Variants in ZNF592 observed in about 807,000 individuals in gnomAD.
The protein encoded by ZNF592 is spinocerebellar ataxia, autosomal recessive 5.
A neutral mutation model predicts 80.3 loss-of-function variants in ZNF592; 11 were observed. The ratio of observed to expected loss-of-function variants is 0.14; its 90% confidence interval spans 0.09 to 0.23. The LOEUF is 0.23. ZNF592 is among the 10% of genes least tolerant of loss of function. The pLI is 1.00. For synonymous variants in ZNF592, 646 were observed against 640.3 expected (o/e 1.01, Z -0.13); for missense variants, 1,420 against 1,633.9 (o/e 0.87, Z 2.26).
rs1478435686 is a variant in ZNF592 at position 84,802,776 on chromosome 15, T to G, written c.*383T>G. 1.1e-5 allele frequency: 3 copies of G among 270,570 alleles called. No homozygotes were observed. The highest frequency in any genetic ancestry group is 2.2e-5 in the Non-Finnish European group (3 of 137,026). 16.8% of individuals were successfully genotyped at this position (270,570 alleles called of 1,614,324 possible). ...TTGCTGCCTTCAGCCAGGGCGCTCC[T>G]CAGAGCTCTATTTTCCTGCAGACAC... On this transcript the variant is annotated 3_prime_UTR_variant, in exon 11 of 11. Coordinates refer to ENST00000560079, the MANE Select transcript of ZNF592 (RefSeq NM_014630.3).
rs199774671 is a variant in ZNF592 at position 84,757,114 on chromosome 15, TA to T, written c.-258-7582del. 1.9e-4 allele frequency among the ~76,000 whole-genome samples: 28 copies of T among 147,970 alleles called. 1 individual carries two copies. The highest frequency in any genetic ancestry group is 2.7e-4 in the African/African-American group (11 of 40,524). Reference sequence around the variant, plus strand: ...GGTGACAGAGTGAGACTGTCTCAATTAAAAAAAAAAATTATTTTTGTAGTGA... The same window carrying T: ...GGTGACAGAGTGAGACTGTCTCAATTAAAAAAAAAATTATTTTTGTAGTGA... On this transcript the variant is annotated intron_variant, in intron 1 of 10. Coordinates refer to ENST00000560079, the MANE Select transcript of ZNF592 (RefSeq NM_014630.3).
intron 10 of ZNF592, 134 bp from the exon 11 acceptor site, chr15:84,801,729 G>A (rs1041273127): frequency 7.1e-6 from 9 of 1,271,796 alleles, no homozygotes; most frequent in African/African-American, 4.5e-5. Context: ...CAAACCAAAC[G>A]TAAACCAGCG....
At chr15:84,796,295 A>ATATATATATAT (rs1567076451) in intron 5 of ZNF592, among the ~76,000 whole-genome samples, 4 of 45,540 alleles carry the variant, frequency 8.8e-5, no homozygotes, top group South Asian at 1.6e-3. Flanking sequence ...ATATATATAT[A>ATATATATATAT]AAAAAACGAA....
At chr15:84,756,046 G>A (rs2030684838) in intron 1 of ZNF592, among the ~76,000 whole-genome samples, 1 of 152,128 alleles carries the variant, frequency 6.6e-6, no homozygotes, top group Non-Finnish European at 1.5e-5. Context: ...GACTCCTATG[G>A]ACCATTGGGC....
At chr15:84,751,310 G>T (rs971033718) in intron 1 of ZNF592, among the ~76,000 whole-genome samples, 5 of 152,242 alleles carry the variant, frequency 3.3e-5, no homozygotes, top group South Asian at 2.1e-4. Flanking sequence ...GGGGATAGAT[G>T]ACTTATTCAA....
chr15:84,794,569 C>T (rs35726233), intron 5 of ZNF592, among the ~76,000 whole-genome samples: 30,069 of 151,972 alleles, frequency 0.2, 3,780 homozygotes, highest in Middle Eastern at 0.36. Context: ...TCCGCCACCC[C>T]GGGTTCAAGC....
intron 3 of ZNF592, among the ~76,000 whole-genome samples, chr15:84,778,718 G>A (rs963877398): frequency 6.6e-6 from 1 of 152,220 alleles, no homozygotes; most frequent in Non-Finnish European, 1.5e-5. Flanking sequence ...GCTGTTAGGG[G>A]GTTTTGGGCG....
Position 84,799,236 on chromosome 15 carries a change from G to A in ZNF592, c.3137+26G>A, listed in dbSNP as rs759155553. The A allele has an allele frequency of 1.2e-6, 2 of 1,606,696 alleles. No homozygotes were observed. The highest frequency in any genetic ancestry group is 3.3e-5 in the Admixed American group (2 of 60,004). ...GTGAGTCCCTGGGGATAGTAGTGAGGAGGCCTGAGGTTCAAAAGACTCTGT... is the reference window on the plus strand; with the variant it reads ...GTGAGTCCCTGGGGATAGTAGTGAGAAGGCCTGAGGTTCAAAAGACTCTGT... On this transcript the variant is annotated intron_variant, in intron 9 of 10. Transcript: ENST00000560079. This position sits in a 1 kb window ranked among gnomAD's most constrained non-coding sequence, Gnocchi z 4.2.
intron 10 of ZNF592, 61 bp downstream of exon 10, chr15:84,800,038 G>A (rs574148044): frequency 6.2e-7 from 1 of 1,612,094 alleles, no homozygotes; most frequent in African/African-American, 1.3e-5. Context: ...AGCTGGAAGG[G>A]CATTAGGAAG....
intron 1 of ZNF592, among the ~76,000 whole-genome samples, chr15:84,762,042 C>G (rs1053569253): frequency 3.3e-5 from 5 of 152,132 alleles, no homozygotes; most frequent in African/African-American, 9.7e-5. Flanking sequence ...AACCAAACGG[C>G]TGCTTCTTTA....
chr15:84,761,020 A>G (rs1306319876), intron 1 of ZNF592, among the ~76,000 whole-genome samples: 1 of 151,692 alleles, frequency 6.6e-6, no homozygotes, highest in Non-Finnish European at 1.5e-5. Context: ...TTGGGGTGCA[A>G]TGGCACAATC....
chr15:84,765,884 C>T (rs1899501894), intron 2 of ZNF592, among the ~76,000 whole-genome samples: 1 of 151,784 alleles, frequency 6.6e-6, no homozygotes, highest in South Asian at 2.1e-4. Flanking sequence ...GTGATTGGAC[C>T]CATAAAGTCT....
intron 2 of ZNF592, among the ~76,000 whole-genome samples, chr15:84,776,511 T>A (rs1962256180): frequency 6.6e-6 from 1 of 152,252 alleles, no homozygotes; most frequent in East Asian, 1.9e-4. Flanking sequence ...ACCCCAGCAC[T>A]TTGGGAGGCC....
In ZNF592 at chr15:84,798,923, T is replaced by C. The variant is rs777799276; in HGVS notation, c.3024+48T>C. The C allele has an allele frequency of 9.4e-6, 15 of 1,597,478 alleles. No homozygotes were observed. The highest frequency in any genetic ancestry group is 3.4e-5 in the Admixed American group (2 of 59,698). ...AATGCAGAGCCCAGTCCTCTGGACT[T>C]CCTTCTGTGAAGCCAGAACCCCTAG... On this transcript the variant is annotated intron_variant, in intron 8 of 10. Transcript: ENST00000560079. The surrounding 1 kb of genome is among the most constrained non-coding windows in gnomAD (Gnocchi z 4.5).
At chr15:84,796,292 TATAA>T (rs1350291726) in intron 5 of ZNF592, among the ~76,000 whole-genome samples, 2,842 of 49,310 alleles carry the variant, frequency 0.058, 94 homozygotes, top group East Asian at 0.14. Context: ...TATATATATA[TATAA>T]AAAAACGAAG....
At chr15:84,794,756 C>T (rs561581120) in intron 5 of ZNF592, among the ~76,000 whole-genome samples, 2 of 152,298 alleles carry the variant, frequency 1.3e-5, no homozygotes, top group South Asian at 2.1e-4. Context: ...GGATTACAGA[C>T]GTGAGCCACT....
chr15:84,799,066 G>C lies in ZNF592; in HGVS notation c.3025-32G>C. The C allele has an allele frequency of 6.2e-7, 1 of 1,612,412 alleles. No individual in the cohort carries two copies. The highest frequency in any genetic ancestry group is 8.5e-7 in the Non-Finnish European group (1 of 1,178,422). On this transcript the variant is annotated intron_variant, in intron 8 of 10. Transcript: ENST00000560079. The surrounding 1 kb of genome is among the most constrained non-coding windows in gnomAD (Gnocchi z 4.2). ...GCACCCAGAACTATCTTACAGTTCT[G>C]ATGCTTTGTGTGTTGCCACCTCCTT...
In ZNF592 at chr15:84,784,018, G is replaced by C; in HGVS notation, c.1343G>C (p.Gly448Ala). 6.2e-7 allele frequency: 1 copy of C among 1,610,838 alleles called. No individual in the cohort carries two copies. Reference protein sequence around the residue: ...NSGSPQGARKGDESMTKASDS... With the variant: ...NSGSPQGARKADESMTKASDS... Reference sequence around the variant, plus strand: ...GGGAGCCCCCAGGGGGCCAGGAAAGGGGACGAGAGCATGACAAAGGCCAGT... The same window carrying C: ...GGGAGCCCCCAGGGGGCCAGGAAAGCGGACGAGAGCATGACAAAGGCCAGT... The change falls in exon 4 of 11, where the codon GGG (glycine) becomes GCG (alanine). Residue 448 changes from glycine to alanine, a missense_variant. Physicochemically the swap from Gly to Ala is moderately conservative, Grantham distance 60 (BLOSUM62 0). Coordinates refer to ENST00000560079, the MANE Select transcript of ZNF592 (RefSeq NM_014630.3). The surrounding 1 kb of genome is among the most constrained non-coding windows in gnomAD (Gnocchi z 5.8).
chr15:84,782,580 A>G, intron 3 of ZNF592, 77 bp from the exon 4 acceptor site: 1 of 1,330,290 alleles, frequency 7.5e-7, no homozygotes, highest in Non-Finnish European at 1.1e-6. Flanking sequence ...TGTGTGCATT[A>G]GTTTGATGGG....
Sources: gnomAD v4.1 joint callset for allele counts (sites outside exome capture counted in the v4.1 genomes callset) on GRCh38, gnomAD v4.1.1 for gene constraint, Gnocchi (gnomAD v3.1) non-coding constraint, MANE v1.5 for transcripts, NCBI Gene and HGNC (gene_info 2026-07-23, HGNC 2026-07-21) for gene names.